UBE3C: variants seen among roughly 807,000 people sequenced by gnomAD.
UBE3C encodes ubiquitin-protein ligase E3C.
A neutral mutation model predicts 129.4 loss-of-function variants in UBE3C; 42 were observed. The observed-to-expected ratio is 0.32, with a 90% CI of 0.25 to 0.42. The LOEUF is 0.42. UBE3C is among the 10% of genes least tolerant of loss of function. The probability of loss-of-function intolerance (pLI) is 1.00; values close to 1 mark genes in which losing one functional copy is unlikely to be tolerated. For missense variants in UBE3C, 1,049 were observed against 1,319.1 expected (o/e 0.80, Z 3.17); for synonymous variants, 510 against 492.4 (o/e 1.04, Z -0.47).
chr7:157,173,214 A>G (rs1808427207), intron 4 of UBE3C, among the ~76,000 whole-genome samples: 1 of 152,146 alleles, frequency 6.6e-6, no homozygotes, highest in African/African-American at 2.4e-5. Context: ...CTGTAAAACA[A>G]AGCAAAAAAT....
chr7:157,225,358 TA>T, intron 16 of UBE3C, 48 bp from the exon 17 acceptor site: 2 of 1,566,570 alleles, frequency 1.3e-6, no homozygotes, highest in Non-Finnish European at 1.7e-6. Context: ...TGGTAGGTTG[TA>T]AGAGGTCTTT....
At chr7:157,199,502 G>A (rs1291633056) in intron 10 of UBE3C, among the ~76,000 whole-genome samples, 1 of 151,496 alleles carries the variant, frequency 6.6e-6, no homozygotes, top group African/African-American at 2.4e-5. Flanking sequence ...TCTGAGTCTT[G>A]TTCTGTCACC....
chr7:157,232,789 A>G (rs1000183548), intron 18 of UBE3C, among the ~76,000 whole-genome samples: 2 of 152,242 alleles, frequency 1.3e-5, no homozygotes, highest in Non-Finnish European at 1.5e-5. Context: ...TCCGAGAAGC[A>G]TAGTGCATGG....
chr7:157,221,273 A>G (rs1795728647), intron 15 of UBE3C: 1 of 153,964 alleles, frequency 6.5e-6, no homozygotes, highest in Non-Finnish European at 1.4e-5. Flanking sequence ...ACATGGAGTA[A>G]GTTTCACTGG....
intron 18 of UBE3C, among the ~76,000 whole-genome samples, chr7:157,246,008 A>AC (rs909864353): frequency 6.6e-6 from 1 of 151,850 alleles, no homozygotes; most frequent in African/African-American, 2.4e-5. Context: ...AAAAAAAAAA[A>AC]AAAAAACAGT....
intron 19 of UBE3C, among the ~76,000 whole-genome samples, chr7:157,253,172 C>T (rs1796661452): frequency 6.6e-6 from 1 of 152,122 alleles, no homozygotes; most frequent in Non-Finnish European, 1.5e-5. Flanking sequence ...ATCATGTAAT[C>T]ACAGCAATTC....
rs764433080 is a variant in UBE3C, at chr7:157,181,561, A to G, written c.660A>G (p.Pro220=). ...ATTTGTTGATTAACAGCAAGCTTCC[A>G]TCAAGTATTGAATATTCTGATTTAT... The part of the protein sequence containing the change: ...SLYLLINSKL[P]SSIEYSDLSR... The change falls in exon 7 of 23, where the codon CCA becomes CCG. Residue 220 remains proline (P), a synonymous_variant. Transcript: ENST00000348165. The G allele has an allele frequency of 1.9e-6, 3 of 1,612,860 alleles. No individual in the cohort carries two copies. Among genetic ancestry groups the G allele is most frequent in the East Asian group, 2.2e-5 (1 of 44,798 alleles).
At chr7:157,248,715 G>C (rs899814289) in intron 19 of UBE3C, 135 bp downstream of exon 19, 1 of 960,738 alleles carries the variant, frequency 1.0e-6, no homozygotes. Context: ...TGAGTTAGAC[G>C]TCGAAGCATA....
intron 18 of UBE3C, among the ~76,000 whole-genome samples, chr7:157,234,818 C>T (rs1016031112): frequency 1.3e-5 from 2 of 152,174 alleles, no homozygotes; most frequent in Non-Finnish European, 2.9e-5. Context: ...GCATCTCTCT[C>T]TTTGTTGATG....
At chr7:157,144,083 C>CA (rs1340378621) in intron 1 of UBE3C, among the ~76,000 whole-genome samples, 1 of 152,130 alleles carries the variant, frequency 6.6e-6, no homozygotes, top group Non-Finnish European at 1.5e-5. Context: ...GTAGGGTAGT[C>CA]AGAGTTGGAA....
At position 157,267,797 on chromosome 7, in the gene UBE3C, C is replaced by A. The variant is rs1364288363; in HGVS notation, c.*42C>A. The A allele has an allele frequency of 6.6e-7, 1 of 1,509,848 alleles. No homozygotes were observed. Among genetic ancestry groups the A allele is most frequent in the Non-Finnish European group, 8.8e-7 (1 of 1,131,978 alleles). 93.5% of individuals were successfully genotyped at this position (1,509,848 alleles called of 1,614,324 possible). On this transcript the variant is annotated 3_prime_UTR_variant, in exon 23 of 23. Coordinates refer to ENST00000348165, the MANE Select transcript of UBE3C (RefSeq NM_014671.3). ...AGACCCCTACAGAGAACCAGTGCTT[C>A]CTTCGTCAGCAGCGCCTCCCCAGAC...
chr7:157,246,001 A>AAC (rs1318220301), intron 18 of UBE3C, among the ~76,000 whole-genome samples: 2 of 151,738 alleles, frequency 1.3e-5, no homozygotes, highest in African/African-American at 2.4e-5. Flanking sequence ...TCAAAAAAAA[A>AAC]AAAAAAAAAA....
intron 1 of UBE3C, among the ~76,000 whole-genome samples, chr7:157,149,613 C>T (rs1028536171): frequency 6.6e-6 from 1 of 152,136 alleles, no homozygotes; most frequent in African/African-American, 2.4e-5. Flanking sequence ...ATGATATCCC[C>T]TACTTGGCTT....
At chr7:157,210,201 C>G (rs575600677) in intron 13 of UBE3C, among the ~76,000 whole-genome samples, 4 of 151,886 alleles carry the variant, frequency 2.6e-5, no homozygotes, top group Non-Finnish European at 4.4e-5. Context: ...GAAAATTTAC[C>G]TTTTTTTTGT....
rs1438126696 is a variant in UBE3C at position 157,225,497 on chromosome 7, T to C, written c.2191T>C (p.Tyr731His). 1 of 1,601,330 alleles carries C rather than the reference T, an allele frequency of 6.2e-7. No individual in the cohort carries two copies. The highest frequency in any genetic ancestry group is 1.3e-5 in the African/African-American group (1 of 74,122). ...AATTAATGTCACAATAAGAAGAAAT[T>C]ACATTTATGAAGATGCTTATGACAA... Reference protein sequence around the residue: ...DGINVTIRRNYIYEDAYDKLS... With the variant: ...DGINVTIRRNHIYEDAYDKLS... Residue 731 changes from tyrosine (Y) to histidine (H), a missense_variant, in exon 17 of 23, where the codon TAC (tyrosine) becomes CAC (histidine). Tyr to His is a moderately conservative substitution (Grantham distance 83, BLOSUM62 2). Coordinates refer to ENST00000348165, the MANE Select transcript of UBE3C (RefSeq NM_014671.3).
chr7:157,218,248 C>G (rs1004470498), intron 14 of UBE3C, among the ~76,000 whole-genome samples: 4 of 152,000 alleles, frequency 2.6e-5, no homozygotes, highest in African/African-American at 9.7e-5. Context: ...GAGTTTGCGA[C>G]CAGCCTGGGC....
intron 1 of UBE3C, among the ~76,000 whole-genome samples, chr7:157,143,418 C>G (rs753951824): frequency 4.6e-5 from 7 of 152,152 alleles, no homozygotes; most frequent in Non-Finnish European, 8.8e-5. Flanking sequence ...CAGAAACACC[C>G]AGATAGCAGG....
intron 19 of UBE3C, among the ~76,000 whole-genome samples, chr7:157,249,787 A>T (rs1192071197): frequency 6.6e-6 from 1 of 152,246 alleles, no homozygotes; most frequent in Non-Finnish European, 1.5e-5. Flanking sequence ...TGTTATAAAC[A>T]TCCACATACA....
At chr7:157,189,634 G>T (rs1235129441) in intron 10 of UBE3C, among the ~76,000 whole-genome samples, 1 of 152,170 alleles carries the variant, frequency 6.6e-6, no homozygotes, top group African/African-American at 2.4e-5. Context: ...GCCTTTGTGT[G>T]TATTTCACAT....
Sources: gnomAD v4.1 joint callset for allele counts (sites outside exome capture counted in the v4.1 genomes callset) on GRCh38, gnomAD v4.1.1 for gene constraint, MANE v1.5 for transcripts, NCBI Gene and HGNC (gene_info 2026-07-23, HGNC 2026-07-21) for gene names.